ENOX1: variants seen among roughly 807,000 people sequenced by gnomAD.
ENOX1 encodes the protein candidate growth-related and time keeping constitutive hydroquinone (NADH) oxidase.
In ENOX1, 42 loss-of-function variants were observed where a neutral mutation model predicts 82.5. The ratio of observed to expected loss-of-function variants is 0.51; its 90% CI spans 0.40 to 0.66. The LOEUF is 0.66. Ranked by LOEUF, ENOX1 falls within the 30% of genes least tolerant of loss-of-function variation. The pLI, the probability that ENOX1 is intolerant of heterozygous loss-of-function variation, is 0.00. For missense variants in ENOX1, 608 were observed against 811.6 expected, an observed-to-expected ratio of 0.75 and a Z score of 3.05; for synonymous variants, 271 against 282.2, an observed-to-expected ratio of 0.96 and a Z score of 0.40.
chr13:43,422,538 A>G (rs9316021), intron 3 of ENOX1, among the ~76,000 whole-genome samples: 29,908 of 152,178 alleles, frequency 0.2, 3,540 homozygotes, highest in Middle Eastern at 0.31. Context: ...ACTACAAATC[A>G]TCATCTTTCC....
At chr13:43,578,028 G>A (rs944492359) in intron 2 of ENOX1, among the ~76,000 whole-genome samples, 1 of 152,098 alleles carries the variant, frequency 6.6e-6, no homozygotes, top group African/African-American at 2.4e-5. Flanking sequence ...TCAACTCTAT[G>A]GGCAATCCCA....
intron 3 of ENOX1, among the ~76,000 whole-genome samples, chr13:43,481,016 T>C (rs2058486762): frequency 6.6e-6 from 1 of 152,182 alleles, no homozygotes; most frequent in Non-Finnish European, 1.5e-5. Context: ...ATAAGCCTGA[T>C]ACCAAAGTCA....
chr13:43,747,547 TCA>T (rs1950091146), intron 1 of ENOX1, among the ~76,000 whole-genome samples: 1 of 152,232 alleles, frequency 6.6e-6, no homozygotes, highest in South Asian at 2.1e-4. Context: ...GGTTGTGTCT[TCA>T]CACTTCATGG....
intron 2 of ENOX1, among the ~76,000 whole-genome samples, chr13:43,611,269 T>C (rs1337032315): frequency 6.6e-6 from 1 of 152,152 alleles, no homozygotes; most frequent in Non-Finnish European, 1.5e-5. Context: ...TACCCATCAA[T>C]CCATCTGTTA....
At chr13:43,785,749 C>T (rs1952540267) in intron 1 of ENOX1, among the ~76,000 whole-genome samples, 1 of 152,186 alleles carries the variant, frequency 6.6e-6, no homozygotes, top group Non-Finnish European at 1.5e-5. Flanking sequence ...CCACAACACT[C>T]CAGAACCACC....
chr13:43,580,704 G>A (rs190567260), intron 2 of ENOX1, among the ~76,000 whole-genome samples: 3 of 152,142 alleles, frequency 2.0e-5, no homozygotes, highest in East Asian at 1.9e-4. Context: ...CTGTTTGCAC[G>A]CAATTATTGG....
chr13:43,277,201 C>G (rs1487045424), intron 12 of ENOX1, among the ~76,000 whole-genome samples: 1 of 152,204 alleles, frequency 6.6e-6, no homozygotes, highest in Non-Finnish European at 1.5e-5. Context: ...TTCCTCTAGG[C>G]CTTTAATCTC....
At chr13:43,560,600 C>A (rs914535242) in intron 2 of ENOX1, among the ~76,000 whole-genome samples, 1 of 152,148 alleles carries the variant, frequency 6.6e-6, no homozygotes, top group East Asian at 1.9e-4. Flanking sequence ...AATTGAGTCC[C>A]TTGTTTCACA....
chr13:43,767,540 T>G (rs1234166071), intron 1 of ENOX1, among the ~76,000 whole-genome samples: 1 of 152,214 alleles, frequency 6.6e-6, no homozygotes, highest in Non-Finnish European at 1.5e-5. Context: ...GTTTAGACTG[T>G]GCTTTAAAAG....
chr13:43,348,738 T>C (rs547445455), intron 8 of ENOX1, among the ~76,000 whole-genome samples: 1 of 152,312 alleles, frequency 6.6e-6, no homozygotes, highest in East Asian at 1.9e-4. Flanking sequence ...AGTGTTTGTG[T>C]TCAAGAAACC....
At chr13:43,530,803 G>A (rs1023590465) in intron 2 of ENOX1, among the ~76,000 whole-genome samples, 1 of 151,810 alleles carries the variant, frequency 6.6e-6, no homozygotes, top group African/African-American at 2.4e-5. Context: ...TTTAAACCCA[G>A]TTAATGAAAA....
In ENOX1 at chr13:43,460,820, AAAAAAAAAAAT is replaced by A. The variant is rs1260609362; in HGVS notation, c.-75+23178_-75+23188del. ...AAAAAAAAAAAAAAAAAAAAAAAAA[AAAAAAAAAAAT>A]AGGGATAGCTCTCTACAAACCAAGG... is the stretch of plus-strand genomic sequence containing the variant. On this transcript the variant is annotated intron_variant, in intron 3 of 16. Transcript: ENST00000690772. Among the ~76,000 whole-genome samples, 43 of 20,776 alleles carry A rather than the reference AAAAAAAAAAAT, an allele frequency of 2.1e-3. 6 individuals are homozygous for A. The highest frequency in any genetic ancestry group is 5.7e-3 in the South Asian group (2 of 350). 13.6% of individuals were successfully genotyped at this position (20,776 alleles called of 152,430 possible). A position where few individuals can be genotyped will look rare whatever the true frequency, so the allele number is the denominator to read the frequency against.
chr13:43,734,823 G>C (rs1384180604), intron 1 of ENOX1, among the ~76,000 whole-genome samples: 1 of 152,184 alleles, frequency 6.6e-6, no homozygotes, highest in African/African-American at 2.4e-5. Context: ...ATGAGATACA[G>C]TCACAAAAAT....
chr13:43,715,513 T>C (rs991744590), intron 1 of ENOX1, among the ~76,000 whole-genome samples: 3 of 152,168 alleles, frequency 2.0e-5, no homozygotes, highest in Non-Finnish European at 4.4e-5. Context: ...AATGTTGGCC[T>C]GCCTTGTTAG....
intron 14 of ENOX1, among the ~76,000 whole-genome samples, chr13:43,244,375 G>C (rs1366320996): frequency 6.6e-6 from 1 of 151,958 alleles, no homozygotes. Context: ...TATACTTGGG[G>C]TACTGAATCC....
chr13:43,579,546 T>C (rs1406900128), intron 2 of ENOX1, among the ~76,000 whole-genome samples: 1 of 152,200 alleles, frequency 6.6e-6, no homozygotes, highest in Non-Finnish European at 1.5e-5. Flanking sequence ...GTCTTCTCCA[T>C]ACTTGCAGAA....
At chr13:43,222,362 A>G (rs1290088791) in intron 16 of ENOX1, among the ~76,000 whole-genome samples, 2 of 149,202 alleles carry the variant, frequency 1.3e-5, no homozygotes, top group African/African-American at 5.0e-5. Context: ...ATCCCTGCCC[A>G]TTCCCAGGAG....
At chr13:43,513,876 A>C in intron 2 of ENOX1, among the ~76,000 whole-genome samples, 1 of 152,292 alleles carries the variant, frequency 6.6e-6, no homozygotes, top group South Asian at 2.1e-4. Context: ...AAGAAATATA[A>C]GGATCTCAAA....
chr13:43,237,050 C>A (rs1178358496), intron 14 of ENOX1, among the ~76,000 whole-genome samples: 1 of 152,154 alleles, frequency 6.6e-6, no homozygotes, highest in African/African-American at 2.4e-5. Context: ...TTGATTATAG[C>A]TACTTTAACA....
Sources: gnomAD v4.1 joint callset for allele counts (sites outside exome capture counted in the v4.1 genomes callset) on GRCh38, gnomAD v4.1.1 for gene constraint, MANE v1.5 for transcripts, NCBI Gene and HGNC (gene_info 2026-07-23, HGNC 2026-07-21) for gene names.